Variants in NAB1 observed in about 807,000 individuals in gnomAD.
NAB1 encodes the protein NGFI-A-binding protein 1.
NAB1 carries 25 observed loss-of-function variants against 49.9 expected under a neutral mutation model. That is an observed-to-expected ratio of 0.50 (90% CI 0.37 to 0.70). The LOEUF is 0.70. Among genes scored for constraint, NAB1 ranks in the 30% least tolerant of loss-of-function variants. The probability of loss-of-function intolerance (pLI) is 0.00; values close to 1 mark genes in which losing one functional copy is unlikely to be tolerated. For missense variants in NAB1, 489 were observed against 575.9 expected, an observed-to-expected ratio of 0.85 and a Z score of 1.54; for synonymous variants, 198 against 215.6, an observed-to-expected ratio of 0.92 and a Z score of 0.71.
At position 190,686,690 on chromosome 2, in the gene NAB1, A is replaced by G. The variant is rs1453830343; in HGVS notation, c.1259-511A>G. 6.6e-6 allele frequency among the ~76,000 whole-genome samples: 1 copy of G among 152,126 alleles called. No individual in the cohort carries two copies. The highest frequency in any genetic ancestry group is 1.5e-5 in the Non-Finnish European group (1 of 68,020). ...CAGGATAATTCAGTGTGGGGTGACA[A>G]TTTGCTAATGTGATGGATTTCAGTA... On this transcript the variant is annotated intron_variant, in intron 8 of 9. Transcript: ENST00000337386. The surrounding 1 kb of genome is among the most constrained non-coding windows in gnomAD (Gnocchi z 5.5).
At position 190,663,620 on chromosome 2, in the gene NAB1, G is replaced by A. The variant is rs1694337197; in HGVS notation, c.819+3625G>A. Among the ~76,000 whole-genome samples the A allele has an allele frequency of 6.6e-6, 1 of 152,130 alleles. No homozygotes were observed. Among genetic ancestry groups the A allele is most frequent in the African/African-American group, 2.4e-5 (1 of 41,430 alleles). ...GATCTTTTTGAAGAAGCCACTCTGG[G>A]CTTAGTTGCTATTCTTGCTTGTGCT... On this transcript the variant is annotated intron_variant, in intron 4 of 9. Coordinates refer to ENST00000337386, the MANE Select transcript of NAB1 (RefSeq NM_005966.4). This position sits in a 1 kb window ranked among gnomAD's most constrained non-coding sequence, Gnocchi z 4.2.
rs573119134 is a variant in NAB1, at chr2:190,674,284, G to A, written c.1005+1132G>A. On this transcript the variant is annotated intron_variant, in intron 6 of 9. Transcript: ENST00000337386. The surrounding 1 kb of genome is among the most constrained non-coding windows in gnomAD (Gnocchi z 5.7). ...TCTCCATTCTTACTGTGTTCCAGCC[G>A]CACTGACTGACTTTCTGTTCCTGAA... is the stretch of plus-strand genomic sequence containing the variant. 1.3e-5 allele frequency among the ~76,000 whole-genome samples: 2 copies of A among 152,080 alleles called. No individual in the cohort carries two copies. The highest frequency in any genetic ancestry group is 4.1e-4 in the South Asian group (2 of 4,824).
At chr2:190,655,478 T>A (rs1232078917) in intron 2 of NAB1, among the ~76,000 whole-genome samples, 1 of 151,866 alleles carries the variant, frequency 6.6e-6, no homozygotes, top group East Asian at 1.9e-4. Context: ...ATATAATAGG[T>A]GAAAGAAGGA....
chr2:190,677,981 T>C lies in NAB1; in HGVS notation c.1005+4829T>C, dbSNP rs779501359. On this transcript the variant is annotated intron_variant, in intron 6 of 9. Coordinates refer to ENST00000337386, the MANE Select transcript of NAB1 (RefSeq NM_005966.4). This position sits in a 1 kb window ranked among gnomAD's most constrained non-coding sequence, Gnocchi z 5.6. The stretch of plus-strand genomic sequence containing the variant: ...TGAAAAGGGTGGATGGTGGCAGTTA[T>C]TATTTTCTAATCCAAGAAATGTTAT... 2.6e-5 allele frequency among the ~76,000 whole-genome samples: 4 copies of C among 152,238 alleles called. No homozygotes were observed. Among genetic ancestry groups the C allele is most frequent in the Admixed American group, 6.5e-5 (1 of 15,286 alleles).
Position 190,659,220 on chromosome 2 carries a change from A to T in NAB1, c.44A>T (p.Tyr15Phe), listed in dbSNP as rs1694092822. Reference sequence around the variant, plus strand: ...AGGACCCTGGGGGAGTTGCAGCTGTATAGAATATTACAAAAAGCCAATCTA... The same window carrying T: ...AGGACCCTGGGGGAGTTGCAGCTGTTTAGAATATTACAAAAAGCCAATCTA... The part of the protein sequence containing the change: ...LPRTLGELQL[Y>F]RILQKANLLS... Residue 15 changes from tyrosine to phenylalanine, a missense_variant, in exon 4 of 10, where the codon TAT becomes TTT. By Grantham distance (22) the Tyr-to-Phe change is conservative. This residue lies in a region of NAB1 where 35 missense variants were observed against 85.6 expected (regional missense o/e 0.41). Coordinates refer to ENST00000337386, the MANE Select transcript of NAB1 (RefSeq NM_005966.4). The surrounding 1 kb of genome is among the most constrained non-coding windows in gnomAD (Gnocchi z 6.2). 2 of 1,612,250 alleles carry T rather than the reference A, an allele frequency of 1.2e-6. No homozygotes were observed. Among genetic ancestry groups the T allele is most frequent in the African/African-American group, 1.3e-5 (1 of 74,176 alleles).
Position 190,686,988 on chromosome 2 carries a change from CA to C in NAB1, c.1259-212del, listed in dbSNP as rs1234409070. Among the ~76,000 whole-genome samples the C allele has an allele frequency of 1.3e-5, 2 of 152,044 alleles. No homozygotes were observed. Among genetic ancestry groups the C allele is most frequent in the Admixed American group, 6.5e-5 (1 of 15,268 alleles). ...TGTTTAGCTCTTAAAAATATCCTGG[CA>C]GAATTGTAAACCTTGGGACTGGCAT... On this transcript the variant is annotated intron_variant, in intron 8 of 9. Coordinates refer to ENST00000337386, the MANE Select transcript of NAB1 (RefSeq NM_005966.4). This position sits in a 1 kb window ranked among gnomAD's most constrained non-coding sequence, Gnocchi z 5.5.
At chr2:190,672,579 T>C (rs943301889) in intron 5 of NAB1, among the ~76,000 whole-genome samples, 2 of 152,332 alleles carry the variant, frequency 1.3e-5, no homozygotes, top group African/African-American at 4.8e-5. Context: ...AACATACATC[T>C]TAAGTGGTCA....
chr2:190,659,827 A>C lies in NAB1; in HGVS notation c.651A>C (p.Glu217Asp). 6.2e-7 allele frequency: 1 copy of C among 1,614,260 alleles called. No homozygotes were observed. The highest frequency in any genetic ancestry group is 8.5e-7 in the Non-Finnish European group (1 of 1,180,042). ...APTLPKSDLN[E>D]VKELLKTNKK... ...CACTGCCAAAAAGTGACTTGAATGA[A>C]GTGAAAGAGCTGCTAAAAACCAACA... The change falls in exon 4 of 10, where the codon GAA becomes GAC. Residue 217 changes from glutamate (E) to aspartate (D), a missense_variant. Around this residue, in one of 4 missense-constraint regions of NAB1, gnomAD observed 204 missense variants for 220.9 expected, o/e 0.92. Coordinates refer to ENST00000337386, the MANE Select transcript of NAB1 (RefSeq NM_005966.4). This position sits in a 1 kb window ranked among gnomAD's most constrained non-coding sequence, Gnocchi z 6.2.
At position 190,670,921 on chromosome 2, in the gene NAB1, A is replaced by G. The variant is rs1194184538; in HGVS notation, c.953+462A>G. Among the ~76,000 whole-genome samples the G allele has an allele frequency of 6.6e-6, 1 of 152,242 alleles. No individual in the cohort carries two copies. The highest frequency in any genetic ancestry group is 2.1e-4 in the South Asian group (1 of 4,834). On this transcript the variant is annotated intron_variant, in intron 5 of 9. Coordinates refer to ENST00000337386, the MANE Select transcript of NAB1 (RefSeq NM_005966.4). This position sits in a 1 kb window ranked among gnomAD's most constrained non-coding sequence, Gnocchi z 5.3. Reference sequence around the variant, plus strand: ...CTAGTATCTAAGGGAAAATTGAAAGATACTTCTATTACTAGCACATGGGTT... The same window carrying G: ...CTAGTATCTAAGGGAAAATTGAAAGGTACTTCTATTACTAGCACATGGGTT...
In NAB1 at chr2:190,669,602, T is replaced by C. The variant is rs748872276; in HGVS notation, c.820-724T>C. 2.2e-4 allele frequency among the ~76,000 whole-genome samples: 34 copies of C among 152,332 alleles called. No individual in the cohort carries two copies. Among genetic ancestry groups the C allele is most frequent in the Non-Finnish European group, 4.1e-4 (28 of 68,028 alleles). ...ATATTAAAAAAGTCTGATATACCTC[T>C]TGACAGTTTCCTATATCTATTGACA... On this transcript the variant is annotated intron_variant, in intron 4 of 9. Transcript: ENST00000337386. This position sits in a 1 kb window ranked among gnomAD's most constrained non-coding sequence, Gnocchi z 4.3.
At chr2:190,673,833 C>G (rs958483223) in intron 6 of NAB1, among the ~76,000 whole-genome samples, 2 of 152,154 alleles carry the variant, frequency 1.3e-5, no homozygotes, top group Non-Finnish European at 2.9e-5. Flanking sequence ...ACTTAGGACT[C>G]TCCGAACTAT....
chr2:190,656,361 C>G (rs1284495464), intron 3 of NAB1, among the ~76,000 whole-genome samples: 1 of 152,166 alleles, frequency 6.6e-6, no homozygotes, highest in African/African-American at 2.4e-5. Flanking sequence ...CAAATCACAT[C>G]AAGTTCATGT....
chr2:190,664,167 C>T (rs1694369125), intron 4 of NAB1, among the ~76,000 whole-genome samples: 2 of 152,148 alleles, frequency 1.3e-5, no homozygotes, highest in South Asian at 4.1e-4. Flanking sequence ...CTTGCTCTGT[C>T]AGTAAAAAGA....
chr2:190,658,461 CTG>C (rs1694043528), intron 3 of NAB1, among the ~76,000 whole-genome samples: 1 of 152,182 alleles, frequency 6.6e-6, no homozygotes, highest in African/African-American at 2.4e-5. Flanking sequence ...TAAATGGTAA[CTG>C]TTTTCTTCAT....
Position 190,657,992 on chromosome 2 carries a change from T to C in NAB1, c.-19-1166T>C, listed in dbSNP as rs181849313. ...ATTACAACAAGTTTATTTGTTTCTC[T>C]TAAATGGAAGTACTTGGCCAACTCC... On this transcript the variant is annotated intron_variant, in intron 3 of 9. Transcript: ENST00000337386. The surrounding 1 kb of genome is among the most constrained non-coding windows in gnomAD (Gnocchi z 4.4). Among the ~76,000 whole-genome samples, 29 of 152,346 alleles carry C rather than the reference T, an allele frequency of 1.9e-4. 1 individual carries two copies. The East Asian group carries it at 5.6e-3, about 29-fold the overall frequency.
intron 5 of NAB1, among the ~76,000 whole-genome samples, chr2:190,672,303 T>C (rs1694852405): frequency 6.6e-6 from 1 of 152,220 alleles, no homozygotes; most frequent in Non-Finnish European, 1.5e-5. Flanking sequence ...TATGTTTTGT[T>C]GATTCTGAGA....
Position 190,660,621 on chromosome 2 carries a change from A to G in NAB1, c.819+626A>G, listed in dbSNP as rs191851160. ...TTCACGTGTGTGTATAAACTTTGGC[A>G]TTTACTCCTTTTCTTGTCTATCTGG... On this transcript the variant is annotated intron_variant, in intron 4 of 9. Transcript: ENST00000337386. Among the ~76,000 whole-genome samples the G allele has an allele frequency of 3.7e-3, 562 of 152,304 alleles. 4 individuals are homozygous for G. Among genetic ancestry groups the G allele is most frequent in the African/African-American group, 0.012 (509 of 41,554 alleles).
In NAB1 at chr2:190,685,721, T is replaced by A; in HGVS notation, c.1258+83T>A. The A allele has an allele frequency of 9.0e-7, 1 of 1,109,698 alleles. No homozygotes were observed. The highest frequency in any genetic ancestry group is 1.2e-6 in the Non-Finnish European group (1 of 837,980). 68.7% of individuals were successfully genotyped at this position (1,109,698 alleles called of 1,614,324 possible). Reference sequence around the variant, plus strand: ...CAGAAGACAGTGGCTGATTTTTAAATTATGATATTTTGTAGAGATTATTTT... The same window carrying A: ...CAGAAGACAGTGGCTGATTTTTAAAATATGATATTTTGTAGAGATTATTTT... On this transcript the variant is annotated intron_variant, in intron 8 of 9. Transcript: ENST00000337386. The surrounding 1 kb of genome is among the most constrained non-coding windows in gnomAD (Gnocchi z 4.5).
At position 190,688,916 on chromosome 2, in the gene NAB1, T is replaced by C. The variant is rs371835414; in HGVS notation, c.1376-1329T>C. 4.6e-5 allele frequency among the ~76,000 whole-genome samples: 7 copies of C among 151,980 alleles called. No individual in the cohort carries two copies. The East Asian group carries it at 1.4e-3, about 29-fold the overall frequency. On this transcript the variant is annotated intron_variant, in intron 9 of 9. Coordinates refer to ENST00000337386, the MANE Select transcript of NAB1 (RefSeq NM_005966.4). ...GTGCAGTGGCTCAGTCTCGGCTCAC[T>C]CCAGCTCCTCCTCCCGGGTTTACGC...
Sources: gnomAD v4.1 joint callset for allele counts (sites outside exome capture counted in the v4.1 genomes callset) on GRCh38, gnomAD v4.1.1 for gene constraint, gnomAD v4.1.1 regional missense constraint, Gnocchi (gnomAD v3.1) non-coding constraint, MANE v1.5 for transcripts, NCBI Gene and HGNC (gene_info 2026-07-23, HGNC 2026-07-21) for gene names.